The following DLX3 variants were observed in gnomAD, a reference collection of about 807,000 sequenced individuals.
DLX3 encodes the protein homeobox protein DLX-3.
Under a neutral mutation model 28.0 loss-of-function variants are expected in DLX3, and 9 were observed. That is an observed-to-expected ratio of 0.32 (90% CI 0.19 to 0.56). DLX3 has a LOEUF of 0.56. DLX3 is among the 20% of genes least tolerant of loss of function. The probability of loss-of-function intolerance (pLI) is 0.91; values close to 1 mark genes in which losing one functional copy is unlikely to be tolerated. For missense variants in DLX3, 313 were observed against 378.2 expected, an observed-to-expected ratio of 0.83 and a Z score of 1.43; for synonymous variants, 154 against 167.9, an observed-to-expected ratio of 0.92 and a Z score of 0.64.
At chr17:49,993,944 G>A (rs1027245637) in intron 1 of DLX3, among the ~76,000 whole-genome samples, 4 of 151,804 alleles carry the variant, frequency 2.6e-5, no homozygotes, top group African/African-American at 7.3e-5. Context: ...CCCCTTCCCA[G>A]TCCCATCTCG....
chr17:49,993,601 C>T lies in DLX3; in HGVS notation c.326-11G>A, dbSNP rs540551109. ...CCTCCTTCACCGACACTGCGGGGAA[C>T]GCACCGGGCGGAAGAGGGGGCGGTT... On this transcript the variant is annotated splice_polypyrimidine_tract_variant and intron_variant, in intron 1 of 2. Coordinates refer to ENST00000434704, the MANE Select transcript of DLX3 (RefSeq NM_005220.3). 4.3e-6 allele frequency: 7 copies of T among 1,612,546 alleles called. No individual in the cohort carries two copies. The highest frequency in any genetic ancestry group is 2.7e-5 in the African/African-American group (2 of 75,032).
chr17:49,991,544 G>C lies in DLX3; in HGVS notation c.837C>G (p.Pro279=). The part of the protein sequence containing the change: ...PATLHHASPG[P]PPNPGAVY The stretch of plus-strand genomic sequence containing the variant: ...AGTACACAGCCCCAGGGTTGGGCGG[G>C]GGCCCGGGAGAGGCATGGTGCAGGG... The change falls in exon 3 of 3, where the codon CCC becomes CCG. Residue 279 remains proline (P), a synonymous_variant. Coordinates refer to ENST00000434704, the MANE Select transcript of DLX3 (RefSeq NM_005220.3). The C allele has an allele frequency of 6.2e-7, 1 of 1,608,738 alleles. No homozygotes were observed. Among genetic ancestry groups the C allele is most frequent in the Non-Finnish European group, 8.5e-7 (1 of 1,179,546 alleles).
chr17:49,995,049 C>A lies in DLX3; in HGVS notation c.-51G>T, dbSNP rs369031536. 2 of 1,592,832 alleles carry A rather than the reference C, an allele frequency of 1.3e-6. No homozygotes were observed. Among genetic ancestry groups the A allele is most frequent in the Non-Finnish European group, 1.7e-6 (2 of 1,173,862 alleles). ...GGCTGGCCTCCGCAGAGGACAGGAA[C>A]GGACCGGAGTGCGAGAGAGGCGGAA... On this transcript the variant is annotated 5_prime_UTR_variant, in exon 1 of 3. Coordinates refer to ENST00000434704, the MANE Select transcript of DLX3 (RefSeq NM_005220.3).
Position 49,994,684 on chromosome 17 carries a change from G to A in DLX3, c.315C>T (p.Ala105=), listed in dbSNP as rs754928184. ...YGAYREQPLP[A]QDPVSVKEEP... is the part of the protein sequence containing the mutation. ...CCCCGTGGCCCTCACCTGGGTCCTG[G>A]GCTGGCAGCGGCTGCTCCCGATACG... is the stretch of plus-strand genomic sequence containing the variant. Residue 105 remains alanine, a synonymous_variant, in exon 1 of 3, where the codon GCC becomes GCT. Coordinates refer to ENST00000434704, the MANE Select transcript of DLX3 (RefSeq NM_005220.3). The A allele has an allele frequency of 1.9e-6, 3 of 1,613,720 alleles. No homozygotes were observed. The highest frequency in any genetic ancestry group is 3.3e-5 in the Admixed American group (2 of 60,024).
chr17:49,993,953 C>T (rs1442760839), intron 1 of DLX3, among the ~76,000 whole-genome samples: 2 of 152,096 alleles, frequency 1.3e-5, no homozygotes, highest in African/African-American at 2.4e-5. Context: ...AGTCCCATCT[C>T]GCCGTCGGTT....
intron 2 of DLX3, among the ~76,000 whole-genome samples, 175 bp from the exon 3 acceptor site, chr17:49,992,039 A>G (rs185913855): frequency 1.1e-3 from 160 of 152,282 alleles, no homozygotes; most frequent in Middle Eastern, 3.4e-3. Flanking sequence ...GTGGCTAGGA[A>G]CGTTCAGCTG....
In DLX3 at chr17:49,991,023, T is replaced by C. The variant is rs78617063; in HGVS notation, c.*494A>G. 0.018 allele frequency: 2,893 copies of C among 163,416 alleles called. 90 individuals are homozygous for C. The highest frequency in any genetic ancestry group is 0.066 in the African/African-American group (2,734 of 41,664). 10.1% of individuals were successfully genotyped at this position (163,416 alleles called of 1,614,324 possible). ...CCTCGTCATGATGTCCACTGTCTTA[T>C]TGGCCGAGGGGCCGCTCGAGCAGGG... On this transcript the variant is annotated 3_prime_UTR_variant, in exon 3 of 3. Transcript: ENST00000434704.
chr17:49,995,096 TC>T lies in DLX3; in HGVS notation c.-99del. 6.8e-7 allele frequency: 1 copy of T among 1,459,870 alleles called. No individual in the cohort carries two copies. The highest frequency in any genetic ancestry group is 9.3e-7 in the Non-Finnish European group (1 of 1,077,346). 90.4% of individuals were successfully genotyped at this position (1,459,870 alleles called of 1,614,324 possible). On this transcript the variant is annotated 5_prime_UTR_variant, in exon 1 of 3. Transcript: ENST00000434704. ...GGAAGAGACGAGGCAGGGGTGTGTG[TC>T]CAGAAGGCGAAGGGAGGACCCGGCC...
chr17:49,992,306 C>T (rs1314535697), intron 2 of DLX3, among the ~76,000 whole-genome samples: 1 of 152,114 alleles, frequency 6.6e-6, no homozygotes, highest in Non-Finnish European at 1.5e-5. Context: ...TCACATTAGA[C>T]ACCCATAAGC....
chr17:49,994,641 C>T (rs1282188644), intron 1 of DLX3, 33 bp downstream of exon 1: 2 of 1,612,450 alleles, frequency 1.2e-6, no homozygotes, highest in Non-Finnish European at 1.7e-6. Context: ...CTTCCAGTGT[C>T]TCCCACTGTC....
rs765400612 is a variant in DLX3 at position 49,995,028 on chromosome 17, G to A, written c.-30C>T. 9 of 1,604,976 alleles carry A rather than the reference G, an allele frequency of 5.6e-6. 1 individual carries two copies. In the South Asian group the frequency reaches 9.9e-5, roughly 18 times the overall value. ...GCGGGCGCTGCACCTCCCCAGGGCT[G>A]GCCTCCGCAGAGGACAGGAACGGAC... On this transcript the variant is annotated 5_prime_UTR_variant, in exon 1 of 3. Coordinates refer to ENST00000434704, the MANE Select transcript of DLX3 (RefSeq NM_005220.3).
rs533081185 is a variant in DLX3 at position 49,990,111 on chromosome 17, C to G, written c.*1406G>C. 15 of 152,448 alleles carry G rather than the reference C, an allele frequency of 9.8e-5. No homozygotes were observed. The highest frequency in any genetic ancestry group is 3.3e-4 in the Admixed American group (5 of 15,276). The allele number at this position is 152,448 out of a possible 1,614,324, so 9.4% of individuals were successfully genotyped here. On this transcript the variant is annotated 3_prime_UTR_variant, in exon 3 of 3. Coordinates refer to ENST00000434704, the MANE Select transcript of DLX3 (RefSeq NM_005220.3). The stretch of plus-strand genomic sequence containing the variant: ...GGAGATGGCTTTGCTTCTTCCCCCC[C>G]GGGTGGGACTCTTGGAGACCTACCA...
At chr17:49,993,737 C>A in intron 1 of DLX3, 147 bp from the exon 2 acceptor site, 1 of 863,904 alleles carries the variant, frequency 1.2e-6, no homozygotes, top group Non-Finnish European at 1.6e-6. Context: ...TGCCCGCGGC[C>A]CAGGGGGGAG....
In DLX3 at chr17:49,990,661, G is replaced by A. The variant is rs1906055207; in HGVS notation, c.*856C>T. Reference sequence around the variant, plus strand: ...CTGGAGGAGTAGAGAAGGTGAGGTGGGGGCAGGGACAGAACAGAGGCACCC... The same window carrying A: ...CTGGAGGAGTAGAGAAGGTGAGGTGAGGGCAGGGACAGAACAGAGGCACCC... On this transcript the variant is annotated 3_prime_UTR_variant, in exon 3 of 3. Transcript: ENST00000434704. The A allele has an allele frequency of 6.6e-6, 1 of 152,658 alleles. No individual in the cohort carries two copies. The highest frequency in any genetic ancestry group is 1.5e-5 in the Non-Finnish European group (1 of 68,080). 9.5% of individuals were successfully genotyped at this position (152,658 alleles called of 1,614,324 possible). A position where few individuals can be genotyped will look rare whatever the true frequency, so the allele number is the denominator to read the frequency against.
rs1413043704 is a variant in DLX3 at position 49,994,691 on chromosome 17, A to G, written c.308T>C (p.Leu103Pro). 6.2e-7 allele frequency: 1 copy of G among 1,613,884 alleles called. No individual in the cohort carries two copies. The highest frequency in any genetic ancestry group is 1.1e-5 in the South Asian group (1 of 91,080). The change falls in exon 1 of 3, where the codon CTG becomes CCG. Residue 103 changes from leucine (L) to proline (P), a missense_variant. Physicochemically the swap from Leu to Pro is moderately conservative, Grantham distance 98 (BLOSUM62 -3). Coordinates refer to ENST00000434704, the MANE Select transcript of DLX3 (RefSeq NM_005220.3). The part of the protein sequence containing the change: ...RQYGAYREQP[L>P]PAQDPVSVKE... The stretch of plus-strand genomic sequence containing the variant: ...GCCCTCACCTGGGTCCTGGGCTGGC[A>G]GCGGCTGCTCCCGATACGCCCCGTA...
At chr17:49,992,604 TCCCCACC>T (rs1219130157) in intron 2 of DLX3, among the ~76,000 whole-genome samples, 1 of 151,346 alleles carries the variant, frequency 6.6e-6, no homozygotes, top group Non-Finnish European at 1.5e-5. Flanking sequence ...CCCCTGCCAC[TCCCCACC>T]CCATGACTGG....
At chr17:49,994,624 C>T (rs774952734) in intron 1 of DLX3, 50 bp downstream of exon 1, 38 of 1,604,476 alleles carry the variant, frequency 2.4e-5, no homozygotes, top group Non-Finnish European at 3.1e-5. Flanking sequence ...TTTCCTCCCT[C>T]GGGAACCTTC....
chr17:49,993,477 G>A lies in DLX3; in HGVS notation c.439C>T (p.Arg147Cys). Reference sequence around the variant, plus strand: ...GCCAGGTACTGGGCCTTCTGGAAGCGGCGCTGCAGGGCGGCCAGCTGGTAG... The same window carrying A: ...GCCAGGTACTGGGCCTTCTGGAAGCAGCGCTGCAGGGCGGCCAGCTGGTAG... ...SSYQLAALQR[R>C]FQKAQYLALP... The change falls in exon 2 of 3, where the codon CGC becomes TGC. Residue 147 changes from arginine to cysteine, a missense_variant. Arg to Cys is a radical substitution (Grantham distance 180). This residue lies in a region of DLX3 where 183 missense variants were observed against 197.7 expected (regional missense o/e 0.93). Transcript: ENST00000434704. The A allele has an allele frequency of 1.2e-6, 2 of 1,612,768 alleles. No individual in the cohort carries two copies. Among genetic ancestry groups the A allele is most frequent in the Non-Finnish European group, 1.7e-6 (2 of 1,179,390 alleles).
rs1555617056 is a variant in DLX3 at position 49,991,878 on chromosome 17, G to T, written c.517-14C>A. 4 of 1,611,858 alleles carry T rather than the reference G, an allele frequency of 2.5e-6. No individual in the cohort carries two copies. In the South Asian group the frequency reaches 4.4e-5, roughly 18 times the overall value. Reference sequence around the variant, plus strand: ...CCAGATTTTCACCTGGGCCAGAGAAGAAAGGGGTAGCTAGTTAGCCTCTCA... The same window carrying T: ...CCAGATTTTCACCTGGGCCAGAGAATAAAGGGGTAGCTAGTTAGCCTCTCA... On this transcript the variant is annotated splice_polypyrimidine_tract_variant and intron_variant, in intron 2 of 2. Transcript: ENST00000434704.
Sources: allele counts gnomAD v4.1 joint callset (sites outside exome capture counted in the v4.1 genomes callset), GRCh38; gene constraint gnomAD v4.1.1; regional missense constraint gnomAD v4.1.1; transcripts MANE v1.5; gene names NCBI Gene and HGNC (gene_info 2026-07-23, HGNC 2026-07-21).